ZKSCAN1: variants seen among roughly 807,000 people sequenced by gnomAD.
ZKSCAN1 encodes the protein zinc finger protein with KRAB and SCAN domains 1.
In ZKSCAN1, 14 loss-of-function variants were observed where a neutral mutation model predicts 51.6. The observed-to-expected ratio is 0.27, with a 90% CI of 0.18 to 0.42. The LOEUF (loss-of-function observed/expected upper bound fraction) is 0.42, where lower values mean the gene tolerates loss of function less well. Among genes scored for constraint, ZKSCAN1 ranks in the 10% least tolerant of loss-of-function variants. The pLI, the probability that ZKSCAN1 is intolerant of heterozygous loss-of-function variation, is 1.00. For missense variants in ZKSCAN1, 531 were observed against 710.0 expected (o/e 0.75, Z 2.86); for synonymous variants, 263 against 261.5 (o/e 1.01, Z -0.06).
chr7:100,027,061 C>T (rs1228019746), intron 3 of ZKSCAN1, among the ~76,000 whole-genome samples: 5 of 152,050 alleles, frequency 3.3e-5, no homozygotes, highest in Non-Finnish European at 7.4e-5. Flanking sequence ...CTTTGGGAGG[C>T]GAAGGTGGGC....
chr7:100,043,966 G>A (rs955325877), downstream of ZKSCAN1, among the ~76,000 whole-genome samples: 4 of 150,512 alleles, frequency 2.7e-5, no homozygotes, highest in Admixed American at 1.3e-4. Flanking sequence ...TTTTAGAGAC[G>A]GGGTTTCGCC....
At chr7:100,027,276 A>G (rs1010047969) in intron 3 of ZKSCAN1, among the ~76,000 whole-genome samples, 1 of 151,406 alleles carries the variant, frequency 6.6e-6, no homozygotes, top group African/African-American at 2.4e-5. Flanking sequence ...AGCCTGGGCG[A>G]CAGAGCAACA....
chr7:100,036,918 G>A lies in ZKSCAN1; in HGVS notation c.*2721G>A. The A allele has an allele frequency of 2.0e-6, 2 of 984,578 alleles. No individual in the cohort carries two copies. The highest frequency in any genetic ancestry group is 1.2e-6 in the Non-Finnish European group (1 of 829,810). 61.0% of individuals were successfully genotyped at this position (984,578 alleles called of 1,614,324 possible). A position where few individuals can be genotyped will look rare whatever the true frequency, so the allele number is the denominator to read the frequency against. On this transcript the variant is annotated 3_prime_UTR_variant, in exon 6 of 6. Transcript: ENST00000324306. ...TTTTGTTTTTAAATGAAGGTTAAAT[G>A]TGACCTGTGCCCTCACATTTAATTC...
At position 100,037,544 on chromosome 7, in the gene ZKSCAN1, A is replaced by G. The variant is rs1410811038; in HGVS notation, c.*3347A>G. 3.0e-6 allele frequency: 3 copies of G among 985,388 alleles called. No individual in the cohort carries two copies. Among genetic ancestry groups the G allele is most frequent in the Non-Finnish European group, 3.6e-6 (3 of 829,954 alleles). The allele number at this position is 985,388 out of a possible 1,614,324, so 61.0% of individuals were successfully genotyped here. ...GAAAGGAGCCTCCTGAATGTGATGA[A>G]TACGGCAAAGCCTTTAATCACATCT... is the stretch of plus-strand genomic sequence containing the variant. On this transcript the variant is annotated 3_prime_UTR_variant, in exon 6 of 6. Transcript: ENST00000324306.
intron 1 of ZKSCAN1, among the ~76,000 whole-genome samples, chr7:100,016,135 C>T (rs965491528): frequency 7.0e-6 from 1 of 142,954 alleles, no homozygotes; most frequent in Admixed American, 6.7e-5. Flanking sequence ...GTGTCTTTTT[C>T]CCCCCCCGGT....
intron 1 of ZKSCAN1, among the ~76,000 whole-genome samples, chr7:100,022,471 T>A (rs1200415831): frequency 6.6e-6 from 1 of 152,272 alleles, no homozygotes. Context: ...GTAAGTGTAT[T>A]AGTGTCAATT....
chr7:100,038,272 ACACAT>A lies in ZKSCAN1; in HGVS notation c.*4079_*4083del. 1.0e-6 allele frequency: 1 copy of A among 985,452 alleles called. No homozygotes were observed. The highest frequency in any genetic ancestry group is 1.7e-5 in the African/African-American group (1 of 57,372). 61.0% of individuals were successfully genotyped at this position (985,452 alleles called of 1,614,324 possible). A position where few individuals can be genotyped will look rare whatever the true frequency, so the allele number is the denominator to read the frequency against. On this transcript the variant is annotated 3_prime_UTR_variant, in exon 6 of 6. Transcript: ENST00000324306. ...ATTTTATTTTAGCCTATTTGACAGA[ACACAT>A]CACTCAGAAAAAGTGAAGTTTCAGA... is the stretch of plus-strand genomic sequence containing the variant.
In ZKSCAN1 at chr7:100,033,351, A is replaced by G; in HGVS notation, c.846A>G (p.Glu282=). The G allele has an allele frequency of 6.2e-7, 1 of 1,613,720 alleles. No homozygotes were observed. The highest frequency in any genetic ancestry group is 8.5e-7 in the Non-Finnish European group (1 of 1,179,964). Residue 282 remains glutamate, a synonymous_variant, in exon 6 of 6, where the codon GAA becomes GAG. Coordinates refer to ENST00000324306, the MANE Select transcript of ZKSCAN1 (RefSeq NM_003439.4). This position sits in a 1 kb window ranked among gnomAD's most constrained non-coding sequence, Gnocchi z 4.1. ...ACGAGGAGTCAACCTCAAAGGCTGAAACCTCGGAAGATTCAGCATCACGCG... is the reference window on the plus strand; with the variant it reads ...ACGAGGAGTCAACCTCAAAGGCTGAGACCTCGGAAGATTCAGCATCACGCG... ...NENEESTSKA[E]TSEDSASRGE...
downstream of ZKSCAN1, among the ~76,000 whole-genome samples, chr7:100,044,619 T>C (rs1027454794): frequency 1.4e-5 from 2 of 147,062 alleles, no homozygotes; most frequent in African/African-American, 2.5e-5. Context: ...AGGTGGAGCT[T>C]GCAATGAGCT....
At chr7:100,042,868 G>A (rs1437984746), downstream of ZKSCAN1, among the ~76,000 whole-genome samples, 1 of 149,960 alleles carries the variant, frequency 6.7e-6, no homozygotes, top group East Asian at 2.0e-4. Flanking sequence ...CGCCATCTCG[G>A]CTCACTGCAA....
chr7:100,024,485 G>A (rs190574456), intron 3 of ZKSCAN1, 178 bp downstream of exon 3: 435 of 773,296 alleles, frequency 5.6e-4, no homozygotes, highest in African/African-American at 1.1e-3. Context: ...TTCCAGCTAC[G>A]CAGGAGGCTG....
intron 5 of ZKSCAN1, among the ~76,000 whole-genome samples, chr7:100,031,376 C>T (rs1164068126): frequency 2.0e-5 from 3 of 148,854 alleles, no homozygotes; most frequent in Non-Finnish European, 3.0e-5. Context: ...CTCTCAGGCT[C>T]AAGCAATCCT....
chr7:100,028,097 G>A (rs1028589877), intron 3 of ZKSCAN1, among the ~76,000 whole-genome samples: 5 of 152,252 alleles, frequency 3.3e-5, no homozygotes, highest in East Asian at 1.9e-4. Context: ...ACTCACGCCT[G>A]TAATCCCAGC....
chr7:100,037,886 G>A lies in ZKSCAN1; in HGVS notation c.*3689G>A, dbSNP rs1360268021. 7.7e-6 allele frequency: 5 copies of A among 646,300 alleles called. No homozygotes were observed. The highest frequency in any genetic ancestry group is 5.8e-6 in the Non-Finnish European group (3 of 520,976). The allele number at this position is 646,300 out of a possible 1,614,324, so 40.0% of individuals were successfully genotyped here. The stretch of plus-strand genomic sequence containing the variant: ...CAAAAAAAAATTAGCTGGGCACAGT[G>A]GCGCACGCCTGTAGTCCCAGCTACT... On this transcript the variant is annotated 3_prime_UTR_variant, in exon 6 of 6. Coordinates refer to ENST00000324306, the MANE Select transcript of ZKSCAN1 (RefSeq NM_003439.4).
At chr7:100,029,289 G>A (rs556795225) in intron 3 of ZKSCAN1, among the ~76,000 whole-genome samples, 23 of 151,964 alleles carry the variant, frequency 1.5e-4, no homozygotes, top group African/African-American at 4.6e-4. Context: ...TCATTGAGAC[G>A]GGGTCTCACT....
chr7:100,028,760 T>C (rs1790958748), intron 3 of ZKSCAN1, among the ~76,000 whole-genome samples: 1 of 150,986 alleles, frequency 6.6e-6, no homozygotes, highest in African/African-American at 2.4e-5. Context: ...GCCCCAACTT[T>C]TGTCTCAGCA....
rs1222163997 is a variant in ZKSCAN1, at chr7:100,040,251, A to T, written c.*6054A>T. On this transcript the variant is annotated 3_prime_UTR_variant, in exon 6 of 6. Coordinates refer to ENST00000324306, the MANE Select transcript of ZKSCAN1 (RefSeq NM_003439.4). ...TCCATTTAATAGCGGACACCACCCC[A>T]ATCTCATGTTTTCCTGTTACCCTAA... 1.0e-6 allele frequency: 1 copy of T among 985,316 alleles called. No homozygotes were observed. The highest frequency in any genetic ancestry group is 1.7e-5 in the African/African-American group (1 of 57,236). 61.0% of individuals were successfully genotyped at this position (985,316 alleles called of 1,614,324 possible).
Position 100,038,826 on chromosome 7 carries a change from T to C in ZKSCAN1, c.*4629T>C. 1 of 735,382 alleles carries C rather than the reference T, an allele frequency of 1.4e-6. No homozygotes were observed. Among genetic ancestry groups the C allele is most frequent in the Non-Finnish European group, 1.7e-6 (1 of 602,108 alleles). The allele number at this position is 735,382 out of a possible 1,614,324, so 45.6% of individuals were successfully genotyped here. ...CTGGCTAACATGGCGAAACCCCGTC[T>C]CTACTAAAAATACAAAAAAATAGCT... On this transcript the variant is annotated 3_prime_UTR_variant, in exon 6 of 6. Coordinates refer to ENST00000324306, the MANE Select transcript of ZKSCAN1 (RefSeq NM_003439.4).
At position 100,022,997 on chromosome 7, in the gene ZKSCAN1, T is replaced by C. The variant is rs1226700559; in HGVS notation, c.-88-422T>C. 2.6e-5 allele frequency among the ~76,000 whole-genome samples: 4 copies of C among 152,168 alleles called. No homozygotes were observed. The East Asian group carries it at 7.7e-4, about 29-fold the overall frequency. ...GTGACAGTGGAGATTGTACAGTTTTTTCCTCGATTTGTCAGGATTTTTTTT... is the reference window on the plus strand; with the variant it reads ...GTGACAGTGGAGATTGTACAGTTTTCTCCTCGATTTGTCAGGATTTTTTTT... On this transcript the variant is annotated intron_variant, in intron 1 of 5. Transcript: ENST00000324306.
Sources: allele counts gnomAD v4.1 joint callset (sites outside exome capture counted in the v4.1 genomes callset), GRCh38; gene constraint gnomAD v4.1.1; non-coding constraint Gnocchi (gnomAD v3.1); transcripts MANE v1.5; gene names NCBI Gene and HGNC (gene_info 2026-07-23, HGNC 2026-07-21).